Variants in LRRC69 observed in about 807,000 individuals in gnomAD.
The protein encoded by LRRC69 is leucine rich repeat containing 69.
In LRRC69, 42 loss-of-function variants were observed where a neutral mutation model predicts 37.8. The observed-to-expected ratio is 1.11, with a 90% confidence interval of 0.87 to 1.44. LRRC69 has a LOEUF of 1.44. Among genes scored for constraint, LRRC69 ranks in the 40% most tolerant of loss-of-function variants. The probability of loss-of-function intolerance (pLI) is 0.00; values close to 1 mark genes in which losing one functional copy is unlikely to be tolerated. For missense variants in LRRC69, 357 were observed against 401.9 expected (o/e 0.89, Z 0.96); for synonymous variants, 141 against 143.1 (o/e 0.99, Z 0.11).
intron 7 of LRRC69, among the ~76,000 whole-genome samples, chr8:91,207,852 T>C (rs1039565249): frequency 3.3e-5 from 5 of 152,202 alleles, no homozygotes; most frequent in Admixed American, 3.3e-4. Context: ...GCTAGGGCTG[T>C]ATAACAAAGT....
chr8:91,166,237 A>G (rs1450317533), intron 5 of LRRC69, among the ~76,000 whole-genome samples: 1 of 151,798 alleles, frequency 6.6e-6, no homozygotes, highest in African/African-American at 2.4e-5. Context: ...TGAATATTAC[A>G]TTAGTTCTAA....
chr8:91,113,040 T>G (rs760273476), intron 1 of LRRC69, among the ~76,000 whole-genome samples: 1 of 151,874 alleles, frequency 6.6e-6, no homozygotes, highest in Non-Finnish European at 1.5e-5. Context: ...CATGAAAAAT[T>G]ATAAGACATT....
chr8:91,145,611 A>T (rs1359909498), intron 5 of LRRC69, among the ~76,000 whole-genome samples: 1 of 151,920 alleles, frequency 6.6e-6, no homozygotes, highest in Non-Finnish European at 1.5e-5. Flanking sequence ...TTAAAACAAC[A>T]TTCACTGACC....
Position 91,137,273 on chromosome 8 carries a change from C to A in LRRC69, c.651+1534C>A, listed in dbSNP as rs548751776. 1.4e-4 allele frequency among the ~76,000 whole-genome samples: 22 copies of A among 152,066 alleles called. 2 individuals are homozygous for A. In the South Asian group the frequency reaches 3.5e-3, roughly 24 times the overall value. ...CCTGCGATGCCTTCTGGTGCCACTT[C>A]TTCTATGGTACCCCTGGTGCCACTG... On this transcript the variant is annotated intron_variant, in intron 5 of 7. Coordinates refer to ENST00000448384, the Ensembl canonical transcript of LRRC69.
intron 6 of LRRC69, among the ~76,000 whole-genome samples, chr8:91,196,570 C>T (rs1040740402): frequency 2.6e-5 from 4 of 152,104 alleles, no homozygotes; most frequent in Non-Finnish European, 5.9e-5. Context: ...CTCTAAACTT[C>T]CCTTCTTGCT....
intron 5 of LRRC69, among the ~76,000 whole-genome samples, chr8:91,180,903 G>T (rs946927525): frequency 6.6e-6 from 1 of 152,060 alleles, no homozygotes; most frequent in Non-Finnish European, 1.5e-5. Flanking sequence ...AAATAACTGA[G>T]AGAAAACAAG....
intron 7 of LRRC69, among the ~76,000 whole-genome samples, chr8:91,215,911 C>A (rs1227102091): frequency 6.6e-6 from 1 of 151,992 alleles, no homozygotes; most frequent in Non-Finnish European, 1.5e-5. Flanking sequence ...AATAATGCCA[C>A]AAATAGAAAT....
chr8:91,178,128 G>A (rs557757257), intron 5 of LRRC69, among the ~76,000 whole-genome samples: 8 of 152,160 alleles, frequency 5.3e-5, no homozygotes, highest in African/African-American at 1.7e-4. Context: ...GATTACAGGC[G>A]TGAGCCACTG....
chr8:91,107,195 C>T (rs1035706848), intron 1 of LRRC69, among the ~76,000 whole-genome samples: 3 of 151,496 alleles, frequency 2.0e-5, no homozygotes, highest in Admixed American at 6.6e-5. Context: ...AGTGCAGTGG[C>T]GTGATCTCGG....
At position 91,132,508 on chromosome 8, in the gene LRRC69, G is replaced by A. The variant is rs538748303; in HGVS notation, c.384-602G>A. Among the ~76,000 whole-genome samples, 76 of 151,974 alleles carry A rather than the reference G, an allele frequency of 5.0e-4. 1 individual carries two copies. The highest frequency in any genetic ancestry group is 8.7e-4 in the Non-Finnish European group (59 of 68,012). On this transcript the variant is annotated intron_variant, in intron 3 of 7. Coordinates refer to ENST00000448384, the Ensembl canonical transcript of LRRC69. ...AAATGTCAGTTCTTTAGAAAAACTT[G>A]CAATATGCTTCAGGAACCATATCTG...
At chr8:91,147,380 T>C (rs987079877) in intron 5 of LRRC69, among the ~76,000 whole-genome samples, 1 of 150,720 alleles carries the variant, frequency 6.6e-6, no homozygotes, top group African/African-American at 2.4e-5. Context: ...ATATTTTAGA[T>C]GTATCTTTTA....
intron 5 of LRRC69, among the ~76,000 whole-genome samples, chr8:91,180,813 G>A (rs1305204197): frequency 6.6e-6 from 1 of 152,152 alleles, no homozygotes; most frequent in Non-Finnish European, 1.5e-5. Flanking sequence ...GTTATGTTCT[G>A]ATGTCTTAGG....
intron 1 of LRRC69, among the ~76,000 whole-genome samples, chr8:91,111,219 G>A (rs1463200323): frequency 6.6e-6 from 1 of 152,008 alleles, no homozygotes; most frequent in African/African-American, 2.4e-5. Context: ...TATATACCAT[G>A]GAATACTATG....
chr8:91,151,990 A>AT (rs1808747724), intron 5 of LRRC69, among the ~76,000 whole-genome samples: 1 of 147,804 alleles, frequency 6.8e-6, no homozygotes, highest in Non-Finnish European at 1.5e-5. Flanking sequence ...TTTGATGTTT[A>AT]TTTTTCTTGC....
intron 6 of LRRC69, among the ~76,000 whole-genome samples, chr8:91,192,330 G>A (rs375648843): frequency 6.6e-6 from 1 of 152,102 alleles, no homozygotes; most frequent in South Asian, 2.1e-4. Flanking sequence ...CTTTACAGCA[G>A]CATGATTTAT....
At chr8:91,194,444 C>A (rs890515406) in intron 6 of LRRC69, among the ~76,000 whole-genome samples, 31 of 152,072 alleles carry the variant, frequency 2.0e-4, no homozygotes, top group East Asian at 3.9e-4. Context: ...CCTTGTACCT[C>A]TGGTAGAATT....
chr8:91,126,076 A>C (rs1311301967), intron 2 of LRRC69, among the ~76,000 whole-genome samples: 1 of 151,924 alleles, frequency 6.6e-6, no homozygotes, highest in African/African-American at 2.4e-5. Flanking sequence ...GACCTAAGTT[A>C]TGTTCTATGT....
chr8:91,125,391 T>C (rs1186015717), intron 2 of LRRC69, among the ~76,000 whole-genome samples: 1 of 151,898 alleles, frequency 6.6e-6, no homozygotes, highest in Non-Finnish European at 1.5e-5. Context: ...TTAGGGGTTA[T>C]ATTTGGCAAA....
intron 7 of LRRC69, among the ~76,000 whole-genome samples, chr8:91,211,622 T>TG (rs1809925477): frequency 6.9e-6 from 1 of 145,912 alleles, no homozygotes; most frequent in Non-Finnish European, 1.5e-5. Flanking sequence ...ATATATTTTT[T>TG]TTTTATTTTT....
Sources: gnomAD v4.1 joint callset for allele counts (sites outside exome capture counted in the v4.1 genomes callset) on GRCh38, gnomAD v4.1.1 for gene constraint, MANE v1.5 for transcripts, NCBI Gene and HGNC (gene_info 2026-07-23, HGNC 2026-07-21) for gene names.